Variants in BCAS3 observed in about 807,000 individuals in gnomAD.
BCAS3 encodes the protein BCAS3 microtubule associated cell migration factor, also known as BCAS4/BCAS3 fusion.
BCAS3 carries 53 observed loss-of-function variants against 116.1 expected under a neutral mutation model. The observed-to-expected ratio is 0.46, with a 90% confidence interval of 0.37 to 0.57. BCAS3 has a LOEUF of 0.57. Among genes scored for constraint, BCAS3 ranks in the 20% least tolerant of loss-of-function variants. BCAS3 has a pLI of 0.00. For missense variants in BCAS3, 917 were observed against 1,165.4 expected, an observed-to-expected ratio of 0.79 and a Z score of 3.10; for synonymous variants, 391 against 408.2, an observed-to-expected ratio of 0.96 and a Z score of 0.51.
intron 14 of BCAS3, among the ~76,000 whole-genome samples, chr17:60,966,903 C>G (rs1034071310): frequency 2.0e-5 from 3 of 152,082 alleles, no homozygotes; most frequent in Admixed American, 6.6e-5. Context: ...GATCTGCCCT[C>G]TAAAAGTGCT....
chr17:60,817,983 T>G (rs759626380), intron 7 of BCAS3, among the ~76,000 whole-genome samples: 18 of 151,908 alleles, frequency 1.2e-4, no homozygotes, highest in Non-Finnish European at 2.5e-4. Context: ...GCCTCCCAGG[T>G]AGCTAGTTCT....
intron 22 of BCAS3, among the ~76,000 whole-genome samples, chr17:61,289,701 C>T (rs2052198406): frequency 6.6e-6 from 1 of 152,050 alleles, no homozygotes; most frequent in Admixed American, 6.6e-5. Context: ...TAACAGCACT[C>T]CTTTTCTTTA....
intron 15 of BCAS3, among the ~76,000 whole-genome samples, chr17:60,996,570 G>A (rs1489733821): frequency 1.3e-5 from 2 of 152,178 alleles, no homozygotes; most frequent in African/African-American, 4.8e-5. Flanking sequence ...TTTTGGACAT[G>A]TTAAGTTTAA....
chr17:61,322,885 TG>T (rs1475753384), intron 22 of BCAS3, among the ~76,000 whole-genome samples: 4 of 75,956 alleles, frequency 5.3e-5, no homozygotes, highest in East Asian at 3.4e-4. Context: ...AGAGAGGTGG[TG>T]GGGGGTCCTC....
At chr17:60,813,356 C>T (rs758496295) in intron 7 of BCAS3, among the ~76,000 whole-genome samples, 1 of 151,636 alleles carries the variant, frequency 6.6e-6, no homozygotes, top group South Asian at 2.1e-4. Context: ...TTATCCCTGC[C>T]AGAGTACCTA....
At chr17:60,801,190 G>T (rs9905289) in intron 6 of BCAS3, among the ~76,000 whole-genome samples, 34,818 of 151,960 alleles carry the variant, frequency 0.23, 7,253 homozygotes, top group African/African-American at 0.56. Context: ...TTTATCAGCA[G>T]TTAGTAGTTT....
In BCAS3 at chr17:61,290,878, T is replaced by A. The variant is rs373851483; in HGVS notation, c.2426-77449T>A. The stretch of plus-strand genomic sequence containing the variant: ...TCACTGTGAGCTCCGCCTCCCGGGT[T>A]CATGCCATTCTCCTGCCTCAGCCTC... On this transcript the variant is annotated intron_variant, in intron 22 of 23. Transcript: ENST00000407086. Among the ~76,000 whole-genome samples the A allele has an allele frequency of 3.3e-5, 5 of 152,264 alleles. No individual in the cohort carries two copies. The East Asian group carries it at 9.7e-4, about 29-fold the overall frequency.
intron 22 of BCAS3, among the ~76,000 whole-genome samples, chr17:61,330,184 G>A (rs551512162): frequency 4.6e-5 from 7 of 151,836 alleles, no homozygotes; most frequent in Non-Finnish European, 8.8e-5. Context: ...TTATTTCTTC[G>A]TTTCTTCCTA....
chr17:60,811,364 A>G (rs1313715432), intron 7 of BCAS3: 5 of 632,682 alleles, frequency 7.9e-6, no homozygotes, highest in Non-Finnish European at 1.4e-5. Flanking sequence ...CCCAGACAGC[A>G]GCAACTCCAG....
At chr17:61,299,040 C>T (rs1237322817) in intron 22 of BCAS3, among the ~76,000 whole-genome samples, 1 of 148,790 alleles carries the variant, frequency 6.7e-6, no homozygotes, top group Non-Finnish European at 1.5e-5. Flanking sequence ...CCAGGTTGGT[C>T]TCTAACTCCT....
chr17:60,889,880 T>C, intron 10 of BCAS3, 109 bp downstream of exon 10: 1 of 985,470 alleles, frequency 1.0e-6, no homozygotes, highest in Non-Finnish European at 1.5e-6. Context: ...AATGTTTTAC[T>C]TACTAGTTCA....
chr17:61,010,153 G>C (rs1026435780), intron 15 of BCAS3, among the ~76,000 whole-genome samples: 1 of 147,434 alleles, frequency 6.8e-6, no homozygotes, highest in Non-Finnish European at 1.5e-5. Context: ...AAGCTGACCT[G>C]ACAAGCTATT....
intron 13 of BCAS3, among the ~76,000 whole-genome samples, chr17:60,935,420 G>T (rs890212383): frequency 2.2e-4 from 33 of 152,066 alleles, no homozygotes; most frequent in African/African-American, 7.7e-4. Context: ...TTGTTCCTTT[G>T]ATTGTTTCTA....
At chr17:60,721,612 C>A (rs943425949) in intron 5 of BCAS3, among the ~76,000 whole-genome samples, 2 of 152,094 alleles carry the variant, frequency 1.3e-5, no homozygotes, top group Non-Finnish European at 2.9e-5. Flanking sequence ...TACTTGAGAT[C>A]TTTTTGATGA....
chr17:61,138,785 A>G (rs1237512809), intron 22 of BCAS3, among the ~76,000 whole-genome samples: 2 of 152,208 alleles, frequency 1.3e-5, no homozygotes, highest in Non-Finnish European at 2.9e-5. Context: ...ATTCAGCAGA[A>G]AAGTAACAAT....
chr17:60,750,977 T>G (rs113971189), intron 6 of BCAS3, among the ~76,000 whole-genome samples: 1 of 152,198 alleles, frequency 6.6e-6, no homozygotes, highest in East Asian at 1.9e-4. Context: ...GAGTGCTTTA[T>G]ACAAGGTATT....
At chr17:60,922,520 T>C (rs1278274866) in intron 12 of BCAS3, among the ~76,000 whole-genome samples, 1 of 152,214 alleles carries the variant, frequency 6.6e-6, no homozygotes, top group African/African-American at 2.4e-5. Context: ...TGCATGTTAG[T>C]AAACATGTAC....
chr17:61,254,649 C>T (rs999296077), intron 22 of BCAS3, among the ~76,000 whole-genome samples: 2 of 151,364 alleles, frequency 1.3e-5, no homozygotes, highest in Admixed American at 6.6e-5. Context: ...TGGTGGTGGG[C>T]GCCTGTAGTC....
In BCAS3 at chr17:61,286,544, G is replaced by A. The variant is rs1275605302; in HGVS notation, c.2426-81783G>A. On this transcript the variant is annotated intron_variant, in intron 22 of 23. Transcript: ENST00000407086. This position sits in a 1 kb window ranked among gnomAD's most constrained non-coding sequence, Gnocchi z 4.8. ...GTTAGCATGCTGCTGCTTGGTGCAC[G>A]ACCAAAAAGTAACATGTCAGAATAG... Among the ~76,000 whole-genome samples the A allele has an allele frequency of 2.6e-5, 4 of 152,062 alleles. No homozygotes were observed. The East Asian group carries it at 5.8e-4, about 22-fold the overall frequency.
Sources: allele counts gnomAD v4.1 joint callset (sites outside exome capture counted in the v4.1 genomes callset), GRCh38; gene constraint gnomAD v4.1.1; non-coding constraint Gnocchi (gnomAD v3.1); transcripts MANE v1.5; gene names NCBI Gene and HGNC (gene_info 2026-07-23, HGNC 2026-07-21).